The following SLC12A8 variants were observed in gnomAD, a reference collection of about 807,000 sequenced individuals.
SLC12A8 encodes cation-chloride cotransporter 9.
Under a neutral mutation model 75.6 loss-of-function variants are expected in SLC12A8, and 69 were observed. That is an observed-to-expected ratio of 0.91 (90% CI 0.75 to 1.11). SLC12A8 has a LOEUF of 1.11. Ranked by LOEUF, SLC12A8 falls within the 50% of genes most tolerant of loss-of-function variation. The pLI is 0.00. For synonymous variants in SLC12A8, 365 were observed against 372.8 expected (o/e 0.98, Z 0.24); for missense variants, 877 against 896.7 (o/e 0.98, Z 0.28).
At chr3:125,101,638 T>G (rs950951053) in intron 10 of SLC12A8, among the ~76,000 whole-genome samples, 34 of 152,232 alleles carry the variant, frequency 2.2e-4, no homozygotes, top group Non-Finnish European at 3.8e-4. Flanking sequence ...AGTTAAAAAA[T>G]CTCTCTTGCA....
chr3:125,138,313 A>G (rs2107762697), intron 5 of SLC12A8, among the ~76,000 whole-genome samples: 1 of 152,276 alleles, frequency 6.6e-6, no homozygotes, highest in African/African-American at 2.4e-5. Flanking sequence ...AGGCGAGAGG[A>G]TTGCTTGAAC....
chr3:125,148,092 G>A (rs1933829685), intron 5 of SLC12A8, among the ~76,000 whole-genome samples: 1 of 152,200 alleles, frequency 6.6e-6, no homozygotes, highest in African/African-American at 2.4e-5. Context: ...GCAAATTATA[G>A]CTGAGCTGGA....
At chr3:125,169,324 C>G (rs1934357012) in intron 5 of SLC12A8, among the ~76,000 whole-genome samples, 1 of 152,010 alleles carries the variant, frequency 6.6e-6, no homozygotes, top group Non-Finnish European at 1.5e-5. Flanking sequence ...CTTCAGAGAG[C>G]CTTGTGCAGT....
chr3:125,181,607 CAAAAAAAAAA>C (rs67602083), intron 4 of SLC12A8, among the ~76,000 whole-genome samples: 4 of 67,636 alleles, frequency 5.9e-5, no homozygotes, highest in Admixed American at 3.2e-4. Flanking sequence ...GACTCCGTCT[CAAAAAAAAAA>C]AAAAAAAAAA....
At chr3:125,195,188 G>C (rs1395130293) in intron 2 of SLC12A8, among the ~76,000 whole-genome samples, 1 of 152,260 alleles carries the variant, frequency 6.6e-6, no homozygotes, top group East Asian at 1.9e-4. Flanking sequence ...TGCATTTGCT[G>C]CTTTCCCCAG....
chr3:125,112,970 G>A (rs1939224243), intron 8 of SLC12A8, among the ~76,000 whole-genome samples: 2 of 152,210 alleles, frequency 1.3e-5, no homozygotes, highest in Non-Finnish European at 2.9e-5. Context: ...AATTCTTTGG[G>A]AGAGTCAGGC....
chr3:125,195,374 C>A (rs74877337), intron 2 of SLC12A8, among the ~76,000 whole-genome samples: 1 of 152,192 alleles, frequency 6.6e-6, no homozygotes, highest in South Asian at 2.1e-4. Context: ...GTGACTGATG[C>A]TGGAAATGGA....
At chr3:125,187,470 A>G in intron 3 of SLC12A8, 42 bp from the exon 4 acceptor site, 1 of 1,579,450 alleles carries the variant, frequency 6.3e-7, no homozygotes, top group Non-Finnish European at 8.6e-7. Context: ...TTAGGTGAGG[A>G]GGCCCCGCCA....
intron 8 of SLC12A8, among the ~76,000 whole-genome samples, chr3:125,117,531 G>C (rs1191346513): frequency 2.0e-5 from 3 of 152,084 alleles, no homozygotes; most frequent in Non-Finnish European, 4.4e-5. Flanking sequence ...TGGAAGTTGA[G>C]GCTGTAATGA....
intron 10 of SLC12A8, 72 bp from the exon 11 acceptor site, chr3:125,092,270 A>G: frequency 1.1e-5 from 11 of 1,013,106 alleles, no homozygotes; most frequent in South Asian, 1.4e-5. Context: ...AAATATACCT[A>G]TGAGCTCCTC....
At chr3:125,185,509 A>G (rs565269990) in intron 4 of SLC12A8, among the ~76,000 whole-genome samples, 2 of 152,296 alleles carry the variant, frequency 1.3e-5, no homozygotes, top group South Asian at 4.1e-4. Flanking sequence ...ACCCAGGACC[A>G]GATGGCTTCA....
At chr3:125,121,660 G>T (rs1202553680) in intron 6 of SLC12A8, among the ~76,000 whole-genome samples, 1 of 152,162 alleles carries the variant, frequency 6.6e-6, no homozygotes, top group African/African-American at 2.4e-5. Flanking sequence ...ATGGAAAAGT[G>T]TTCAAAGAGG....
intron 5 of SLC12A8, among the ~76,000 whole-genome samples, chr3:125,154,014 C>G (rs569200208): frequency 5.9e-5 from 9 of 152,284 alleles, no homozygotes; most frequent in African/African-American, 1.9e-4. Flanking sequence ...TCCCAAAGTG[C>G]TGGGACTGCA....
chr3:125,141,848 A>C (rs1933647711), intron 5 of SLC12A8, among the ~76,000 whole-genome samples: 1 of 151,450 alleles, frequency 6.6e-6, no homozygotes, highest in Non-Finnish European at 1.5e-5. Context: ...AGCGCGGAGG[A>C]AGGGCTCCGG....
chr3:125,088,385 T>A lies in SLC12A8; in HGVS notation c.1922-15A>T, dbSNP rs1485763413. 3.3e-5 allele frequency: 54 copies of A among 1,613,836 alleles called. No homozygotes were observed. The highest frequency in any genetic ancestry group is 4.2e-5 in the Non-Finnish European group (50 of 1,179,862). ...GGAGGCTGATCCTGCAGGGAAGACA[T>A]ATACATAACCATTTTTGAAGGTTCT... On this transcript the variant is annotated splice_polypyrimidine_tract_variant and intron_variant, in intron 12 of 13. Transcript: ENST00000469902.
chr3:125,085,911 C>CA (rs1938447352), intron 13 of SLC12A8, among the ~76,000 whole-genome samples: 2 of 146,068 alleles, frequency 1.4e-5, no homozygotes, highest in African/African-American at 5.1e-5. Context: ...ATTTTTTTTT[C>CA]TTTTTTTTTT....
chr3:125,168,042 A>C (rs924428908), intron 5 of SLC12A8, among the ~76,000 whole-genome samples: 4 of 152,258 alleles, frequency 2.6e-5, no homozygotes, highest in African/African-American at 7.2e-5. Context: ...TTCAGTGCAT[A>C]GGAGGTGTCA....
intron 9 of SLC12A8, among the ~76,000 whole-genome samples, chr3:125,109,576 A>G (rs368066501): frequency 6.6e-6 from 1 of 152,186 alleles, no homozygotes; most frequent in Admixed American, 6.5e-5. Context: ...AAACCATATT[A>G]GTGGGAAATG....
intron 2 of SLC12A8, among the ~76,000 whole-genome samples, chr3:125,199,982 G>A (rs1935088990): frequency 6.6e-6 from 1 of 152,080 alleles, no homozygotes; most frequent in Non-Finnish European, 1.5e-5. Flanking sequence ...TGAGGTATAA[G>A]AATATTATTT....
Sources: allele counts gnomAD v4.1 joint callset (sites outside exome capture counted in the v4.1 genomes callset), GRCh38; gene constraint gnomAD v4.1.1; transcripts MANE v1.5; gene names NCBI Gene and HGNC (gene_info 2026-07-23, HGNC 2026-07-21).